Variants in ZNF461 observed in about 807,000 individuals in gnomAD.
The protein encoded by ZNF461 is zinc finger protein 461.
ZNF461 carries 16 observed loss-of-function variants against 18.3 expected under a neutral mutation model. That is an observed-to-expected ratio of 0.88 (90% CI 0.59 to 1.33). The LOEUF (loss-of-function observed/expected upper bound fraction) is 1.33, where lower values mean the gene tolerates loss of function less well. Ranked by LOEUF, ZNF461 falls within the 40% of genes most tolerant of loss-of-function variation. The probability of loss-of-function intolerance (pLI) is 0.00; values close to 1 mark genes in which losing one functional copy is unlikely to be tolerated. For missense variants in ZNF461, 595 were observed against 669.9 expected (o/e 0.89, Z 1.23); for synonymous variants, 179 against 216.9 (o/e 0.83, Z 1.54).
chr19:36,663,360 C>T (rs1273013109), intron 2 of ZNF461, among the ~76,000 whole-genome samples: 1 of 152,048 alleles, frequency 6.6e-6, no homozygotes, highest in Non-Finnish European at 1.5e-5. Context: ...GTTCGCCCAT[C>T]CTTTTCTTAA....
chr19:36,658,488 G>A, intron 2 of ZNF461, 63 bp from the exon 3 acceptor site: 1 of 1,492,606 alleles, frequency 6.7e-7, no homozygotes, highest in Non-Finnish European at 9.1e-7. Flanking sequence ...AAAGAAAAGA[G>A]AAGTGCTAAA....
At chr19:36,660,158 T>C (rs879707817) in intron 2 of ZNF461, among the ~76,000 whole-genome samples, 5 of 150,202 alleles carry the variant, frequency 3.3e-5, no homozygotes, top group Admixed American at 6.6e-5. Flanking sequence ...CTTTTTTTTT[T>C]TTTTTTTTTT....
chr19:36,644,399 G>A (rs966280315), intron 4 of ZNF461, among the ~76,000 whole-genome samples: 1 of 151,894 alleles, frequency 6.6e-6, no homozygotes, highest in African/African-American at 2.4e-5. Flanking sequence ...CTCCTGAATA[G>A]CTGGGATTAC....
At chr19:36,647,272 G>T (rs1206585247) in intron 4 of ZNF461, among the ~76,000 whole-genome samples, 1 of 152,330 alleles carries the variant, frequency 6.6e-6, no homozygotes, top group African/African-American at 2.4e-5. Context: ...AGGTGTGGTG[G>T]TTCACGCTTG....
At chr19:36,659,868 T>G (rs80224505) in intron 2 of ZNF461, among the ~76,000 whole-genome samples, 2,319 of 152,290 alleles carry the variant, frequency 0.015, 42 homozygotes, top group East Asian at 0.069. Context: ...GATCTCCAAT[T>G]TTTCCATGCA....
At chr19:36,647,252 A>T (rs1351395893) in intron 4 of ZNF461, among the ~76,000 whole-genome samples, 1 of 152,194 alleles carries the variant, frequency 6.6e-6, no homozygotes, top group Non-Finnish European at 1.5e-5. Flanking sequence ...ACAATTTTCT[A>T]ATTTAGGCCA....
In ZNF461 at chr19:36,639,254, T is replaced by G. The variant is rs1180809975; in HGVS notation, c.1091A>C (p.Lys364Thr). 1.2e-6 allele frequency: 2 copies of G among 1,614,132 alleles called. No individual in the cohort carries two copies. Among genetic ancestry groups the G allele is most frequent in the Non-Finnish European group, 1.7e-6 (2 of 1,180,012 alleles). Residue 364 changes from lysine to threonine, a missense_variant, in exon 6 of 6, where the codon AAG becomes ACG. Coordinates refer to ENST00000588268, the MANE Select transcript of ZNF461 (RefSeq NM_153257.5). ...EKPYECKECG[K>T]TFRHRSHLTI... Reference sequence around the variant, plus strand: ...AAGATGTGAGCGATGCCTAAAAGTCTTTCCACATTCTTTACATTCATAAGG... The same window carrying G: ...AAGATGTGAGCGATGCCTAAAAGTCGTTCCACATTCTTTACATTCATAAGG...
chr19:36,657,670 C>G (rs1449230415), intron 3 of ZNF461: 1 of 151,720 alleles, frequency 6.6e-6, no homozygotes, highest in Non-Finnish European at 1.5e-5. Context: ...CACAGCTACT[C>G]GGGAGGCTGA....
intron 2 of ZNF461, among the ~76,000 whole-genome samples, chr19:36,660,063 T>C (rs1363010487): frequency 6.6e-6 from 1 of 151,992 alleles, no homozygotes; most frequent in Admixed American, 6.6e-5. Context: ...AGTGGTGGCT[T>C]TTTTTTTCTC....
At chr19:36,643,120 A>G (rs978791317) in intron 5 of ZNF461, among the ~76,000 whole-genome samples, 2 of 152,160 alleles carry the variant, frequency 1.3e-5, no homozygotes, top group African/African-American at 4.8e-5. Context: ...TTATTTATGT[A>G]CAGATATAAA....
chr19:36,644,779 T>A (rs1406747662), intron 4 of ZNF461, among the ~76,000 whole-genome samples: 1 of 151,898 alleles, frequency 6.6e-6, no homozygotes, highest in East Asian at 2.0e-4. Flanking sequence ...GTATTTTTAG[T>A]AGAGACGGGG....
intron 4 of ZNF461, among the ~76,000 whole-genome samples, chr19:36,652,219 C>T (rs924886896): frequency 4.6e-5 from 7 of 151,834 alleles, no homozygotes; most frequent in Admixed American, 1.3e-4. Flanking sequence ...TGGCCAGGCA[C>T]GGTGGCACAT....
At chr19:36,657,918 A>G (rs2037752208) in intron 3 of ZNF461, among the ~76,000 whole-genome samples, 1 of 152,126 alleles carries the variant, frequency 6.6e-6, no homozygotes, top group African/African-American at 2.4e-5. Context: ...AAAAAGCTTC[A>G]CTCCTGGAAC....
intron 5 of ZNF461, 116 bp from the exon 6 acceptor site, chr19:36,640,159 G>C (rs2037399672): frequency 2.2e-6 from 2 of 921,200 alleles, no homozygotes; most frequent in South Asian, 4.0e-5. Context: ...AAAAGGCTTG[G>C]AGAACTCTTA....
chr19:36,651,610 G>T (rs2037628835), intron 4 of ZNF461, among the ~76,000 whole-genome samples: 2 of 151,972 alleles, frequency 1.3e-5, no homozygotes, highest in Non-Finnish European at 2.9e-5. Context: ...GAAATACTTA[G>T]GTATAAAACT....
At chr19:36,663,162 C>T (rs1165098732) in intron 2 of ZNF461, among the ~76,000 whole-genome samples, 1 of 152,094 alleles carries the variant, frequency 6.6e-6, no homozygotes, top group Non-Finnish European at 1.5e-5. Context: ...TGGCCTGAAT[C>T]TTACTTAGTC....
intron 4 of ZNF461, among the ~76,000 whole-genome samples, chr19:36,645,719 A>G (rs923873076): frequency 6.6e-6 from 1 of 152,158 alleles, no homozygotes; most frequent in Non-Finnish European, 1.5e-5. Context: ...TGCAAACTAG[A>G]GTCATAATAT....
intron 4 of ZNF461, among the ~76,000 whole-genome samples, chr19:36,650,919 A>C (rs914318737): frequency 4.7e-5 from 7 of 150,326 alleles, no homozygotes; most frequent in Non-Finnish European, 8.9e-5. Context: ...TCAACCTTAT[A>C]ATATAAAGTA....
At chr19:36,647,777 C>T (rs1459683461) in intron 4 of ZNF461, among the ~76,000 whole-genome samples, 2 of 151,964 alleles carry the variant, frequency 1.3e-5, no homozygotes, top group East Asian at 3.9e-4. Flanking sequence ...GGAGGTGGGG[C>T]CTAGTGGGAA....
Sources: gnomAD v4.1 joint callset for allele counts (sites outside exome capture counted in the v4.1 genomes callset) on GRCh38, gnomAD v4.1.1 for gene constraint, MANE v1.5 for transcripts, NCBI Gene and HGNC (gene_info 2026-07-23, HGNC 2026-07-21) for gene names.